Variants in HSPD1 observed in about 807,000 individuals in gnomAD.
The protein encoded by HSPD1 is heat shock protein family D (Hsp60) member 1.
In HSPD1, 3 loss-of-function variants were observed where a neutral mutation model predicts 53.0. The ratio of observed to expected loss-of-function variants is 0.06; its 90% CI spans 0.03 to 0.15. The LOEUF is 0.15. HSPD1 is among the 10% of genes least tolerant of loss of function. The pLI, the probability that HSPD1 is intolerant of heterozygous loss-of-function variation, is 1.00. For synonymous variants in HSPD1, 200 were observed against 228.0 expected, an observed-to-expected ratio of 0.88 and a Z score of 1.10; for missense variants, 431 against 694.1, an observed-to-expected ratio of 0.62 and a Z score of 4.26.
Position 197,489,081 on chromosome 2 carries a change from T to C in HSPD1, c.1136A>G (p.Asp379Gly), listed in dbSNP as rs67523958. 4.3e-6 allele frequency: 7 copies of C among 1,613,892 alleles called. No homozygotes were observed. The highest frequency in any genetic ancestry group is 5.9e-6 in the Non-Finnish European group (7 of 1,179,784). ...KRIQEIIEQLDVTTSEYEKEK... is the reference protein window; with the variant it reads ...KRIQEIIEQLGVTTSEYEKEK... ...CTTTTCATATTCACTAGTTGTGACATCTAACTGCTCAATGATTTCTTGAAT... is the reference window on the plus strand; with the variant it reads ...CTTTTCATATTCACTAGTTGTGACACCTAACTGCTCAATGATTTCTTGAAT... The change falls in exon 9 of 12, where the codon GAT becomes GGT. Residue 379 changes from aspartate to glycine, a missense_variant. Asp to Gly is a moderately conservative substitution (Grantham distance 94). Transcript: ENST00000388968.
At chr2:197,491,451 C>T (rs561072663) in intron 7 of HSPD1, among the ~76,000 whole-genome samples, 1 of 152,228 alleles carries the variant, frequency 6.6e-6, no homozygotes, top group Admixed American at 6.5e-5. Context: ...TGAGTCACCA[C>T]GCCCAGCCAA....
Position 197,486,750 on chromosome 2 carries a change from C to T in HSPD1, c.*296G>A, listed in dbSNP as rs1032375269. The T allele has an allele frequency of 1.3e-5, 5 of 393,162 alleles. No homozygotes were observed. The highest frequency in any genetic ancestry group is 1.0e-4 in the African/African-American group (5 of 49,040). The allele number at this position is 393,162 out of a possible 1,614,324, so 24.4% of individuals were successfully genotyped here. A position where few individuals can be genotyped will look rare whatever the true frequency, so the allele number is the denominator to read the frequency against. On this transcript the variant is annotated 3_prime_UTR_variant, in exon 12 of 12. Transcript: ENST00000388968. Reference sequence around the variant, plus strand: ...TAACAGAATAGTAGTAAAAATGCCTCAGTGATTTAAGTTGAAAGCAGTACA... The same window carrying T: ...TAACAGAATAGTAGTAAAAATGCCTTAGTGATTTAAGTTGAAAGCAGTACA...
chr2:197,495,229 GAAAAA>G, intron 4 of HSPD1, 60 bp downstream of exon 4: 1 of 826,156 alleles, frequency 1.2e-6, no homozygotes, highest in South Asian at 1.4e-5. Context: ...GTGATCAAGG[GAAAAA>G]AAAAATCACA....
intron 10 of HSPD1, 108 bp downstream of exon 10, chr2:197,488,209 C>A (rs1324005107): frequency 9.3e-7 from 1 of 1,074,780 alleles, no homozygotes; most frequent in African/African-American, 1.6e-5. Flanking sequence ...TATTCTACTT[C>A]TGTTATTCAG....
At chr2:197,491,177 CTTT>C (rs1196099992) in intron 7 of HSPD1, among the ~76,000 whole-genome samples, 1 of 147,432 alleles carries the variant, frequency 6.8e-6, no homozygotes, top group Non-Finnish European at 1.5e-5. Flanking sequence ...GGCCTCAAGT[CTTT>C]TTTTTGTGTG....
chr2:197,489,347 A>G lies in HSPD1; in HGVS notation c.970-100T>C, dbSNP rs948902471. On this transcript the variant is annotated intron_variant, in intron 8 of 11. Coordinates refer to ENST00000388968, the MANE Select transcript of HSPD1 (RefSeq NM_002156.5). Reference sequence around the variant, plus strand: ...TGCAAGAGAATCATCAAAATACTTTATTTCTTTGAAATGAGAGATTTTAAG... The same window carrying G: ...TGCAAGAGAATCATCAAAATACTTTGTTTCTTTGAAATGAGAGATTTTAAG... 6.5e-6 allele frequency: 8 copies of G among 1,239,536 alleles called. No homozygotes were observed. The African/African-American group carries it at 1.2e-4, about 18-fold the overall frequency. 76.8% of individuals were successfully genotyped at this position (1,239,536 alleles called of 1,614,324 possible).
chr2:197,488,010 T>G lies in HSPD1; in HGVS notation c.1417A>C (p.Lys473Gln), dbSNP rs770967055. 21 of 1,610,210 alleles carry G rather than the reference T, an allele frequency of 1.3e-5. No homozygotes were observed. In the South Asian group the frequency reaches 2.3e-4, roughly 18 times the overall value. ...IGIEIIKRTL[K>Q]IPAMTIAKNA... ...TTAGCAATGGTCATTGCTGGAATTTTGAGTGTTCTTTTAATAATTTCTATA... is the reference window on the plus strand; with the variant it reads ...TTAGCAATGGTCATTGCTGGAATTTGGAGTGTTCTTTTAATAATTTCTATA... The change falls in exon 11 of 12, where the codon AAA becomes CAA. Residue 473 changes from lysine to glutamine, a missense_variant. Physicochemically the swap from Lys to Gln is moderately conservative, Grantham distance 53. Transcript: ENST00000388968.
intron 3 of HSPD1, 169 bp downstream of exon 3, chr2:197,496,971 T>C: frequency 1.4e-6 from 1 of 699,736 alleles, no homozygotes; most frequent in Middle Eastern, 2.4e-4. Flanking sequence ...CTACCCACCA[T>C]ACAGCCAAGC....
chr2:197,494,005 G>C (rs1559302371), intron 6 of HSPD1, 152 bp downstream of exon 6: 2 of 566,298 alleles, frequency 3.5e-6, no homozygotes. Flanking sequence ...GGGAGACTGA[G>C]GCAAGAGAAT....
At chr2:197,497,043 T>G (rs554019412) in intron 3 of HSPD1, 97 bp downstream of exon 3, 1 of 1,223,480 alleles carries the variant, frequency 8.2e-7, no homozygotes, top group African/African-American at 1.5e-5. Flanking sequence ...AGAGAAGGAT[T>G]AATTTCCTCA....
intron 6 of HSPD1, 105 bp from the exon 7 acceptor site, chr2:197,493,597 GT>G: frequency 1.2e-6 from 1 of 833,854 alleles, no homozygotes; most frequent in Non-Finnish European, 2.0e-6. Context: ...TCACCAGTGA[GT>G]TGGTTTTCCT....
chr2:197,493,563 C>T lies in HSPD1; in HGVS notation c.701-71G>A. 2.6e-6 allele frequency: 3 copies of T among 1,136,912 alleles called. No individual in the cohort carries two copies. The Admixed American group carries it at 5.4e-5, about 21-fold the overall frequency. 70.4% of individuals were successfully genotyped at this position (1,136,912 alleles called of 1,614,324 possible). A position where few individuals can be genotyped will look rare whatever the true frequency, so the allele number is the denominator to read the frequency against. On this transcript the variant is annotated intron_variant, in intron 6 of 11. Transcript: ENST00000388968. ...AATACATTTAAATGAAAAGCGAAAC[C>T]AAGGTTCCAATACACTTTAAAATTC... is the stretch of plus-strand genomic sequence containing the variant.
At chr2:197,496,531 G>A (rs1222268410) in intron 3 of HSPD1, among the ~76,000 whole-genome samples, 1 of 152,156 alleles carries the variant, frequency 6.6e-6, no homozygotes, top group Non-Finnish European at 1.5e-5. Context: ...TCTGCTGATA[G>A]GAAAACCAAG....
intron 9 of HSPD1, among the ~76,000 whole-genome samples, 188 bp downstream of exon 9, chr2:197,488,814 G>A (rs1038512311): frequency 9.2e-5 from 14 of 152,296 alleles, no homozygotes; most frequent in Non-Finnish European, 1.8e-4. Context: ...GTTGCAGTGC[G>A]CCGAGATCGC....
chr2:197,488,085 G>GT, intron 10 of HSPD1, 49 bp from the exon 11 acceptor site: 2 of 1,292,214 alleles, frequency 1.5e-6, no homozygotes, highest in Non-Finnish European at 2.2e-6. Flanking sequence ...TGTAAATATT[G>GT]TAACACATTT....
intron 2 of HSPD1, among the ~76,000 whole-genome samples, chr2:197,497,711 ATACTT>A (rs760772945): frequency 6.6e-6 from 1 of 152,248 alleles, no homozygotes; most frequent in Non-Finnish European, 1.5e-5. Context: ...CCTATCACTT[ATACTT>A]TAGTTAGTGC....
chr2:197,495,225 A>G (rs1472772100), intron 4 of HSPD1, 69 bp downstream of exon 4: 3 of 845,944 alleles, frequency 3.5e-6, no homozygotes, highest in Non-Finnish European at 6.2e-6. Flanking sequence ...TGGTGTGATC[A>G]AGGGAAAAAA....
chr2:197,498,321 G>A (rs1358632739), intron 2 of HSPD1, among the ~76,000 whole-genome samples: 2 of 152,178 alleles, frequency 1.3e-5, no homozygotes, highest in Non-Finnish European at 2.9e-5. Flanking sequence ...AATTATGGAA[G>A]ATAAGTTAAA....
At chr2:197,498,033 CTTATT>C (rs1418908009) in intron 2 of HSPD1, among the ~76,000 whole-genome samples, 1 of 152,166 alleles carries the variant, frequency 6.6e-6, no homozygotes, top group Non-Finnish European at 1.5e-5. Flanking sequence ...TTAAATGAGA[CTTATT>C]TTAAATATGC....
Sources: allele counts gnomAD v4.1 joint callset (sites outside exome capture counted in the v4.1 genomes callset), GRCh38; gene constraint gnomAD v4.1.1; transcripts MANE v1.5; gene names NCBI Gene and HGNC (gene_info 2026-07-23, HGNC 2026-07-21).